The following POU6F2 variants were observed in gnomAD, a reference collection of about 807,000 sequenced individuals.
POU6F2 encodes POU domain, class 6, transcription factor 2.
POU6F2 carries 31 observed loss-of-function variants against 71.3 expected under a neutral mutation model. That is an observed-to-expected ratio of 0.43 (90% CI 0.33 to 0.59). The LOEUF (loss-of-function observed/expected upper bound fraction) is 0.59, where lower values mean the gene tolerates loss of function less well. Ranked by LOEUF, POU6F2 falls within the 20% of genes least tolerant of loss-of-function variation. POU6F2 has a pLI of 0.04. For missense variants in POU6F2, 783 were observed against 856.8 expected, an observed-to-expected ratio of 0.91 and a Z score of 1.07; for synonymous variants, 347 against 355.7, an observed-to-expected ratio of 0.98 and a Z score of 0.27.
intron 1 of POU6F2, among the ~76,000 whole-genome samples, chr7:39,042,216 TAGAA>T (rs1483962635): frequency 6.6e-6 from 1 of 151,854 alleles, no homozygotes; most frequent in Non-Finnish European, 1.5e-5. Flanking sequence ...AGCTGTAAAA[TAGAA>T]AGAGCAAATT....
intron 2 of POU6F2, among the ~76,000 whole-genome samples, chr7:39,154,387 A>T (rs1174437872): frequency 6.6e-6 from 1 of 152,168 alleles, no homozygotes; most frequent in Non-Finnish European, 1.5e-5. Context: ...TTATAGAATT[A>T]AATGAGCAAA....
At chr7:39,434,244 G>A (rs1475000870) in intron 7 of POU6F2, among the ~76,000 whole-genome samples, 1 of 152,132 alleles carries the variant, frequency 6.6e-6, no homozygotes, top group South Asian at 2.1e-4. Context: ...AGAGGATGGG[G>A]TGTTGAGAAA....
intron 5 of POU6F2, among the ~76,000 whole-genome samples, chr7:39,386,206 AG>A (rs1215485146): frequency 3.3e-5 from 5 of 151,492 alleles, no homozygotes; most frequent in Non-Finnish European, 5.9e-5. Context: ...CAGAGATGCC[AG>A]GCCTGCACCA....
chr7:39,392,397 G>A (rs1787090461), intron 5 of POU6F2, among the ~76,000 whole-genome samples: 2 of 152,154 alleles, frequency 1.3e-5, no homozygotes, highest in Admixed American at 6.6e-5. Context: ...ATTCATTCCA[G>A]GACCACACTC....
At chr7:39,273,141 ATAAC>A (rs1243586436) in intron 4 of POU6F2, among the ~76,000 whole-genome samples, 3 of 152,230 alleles carry the variant, frequency 2.0e-5, no homozygotes, top group Non-Finnish European at 2.9e-5. Context: ...AGAATTTCAA[ATAAC>A]ATATAGAGAT....
intron 2 of POU6F2, among the ~76,000 whole-genome samples, chr7:39,161,807 A>T (rs907570760): frequency 6.6e-6 from 1 of 152,178 alleles, no homozygotes; most frequent in Non-Finnish European, 1.5e-5. Context: ...GCAAAACAGG[A>T]GGTAGACTGC....
intron 2 of POU6F2, among the ~76,000 whole-genome samples, chr7:39,104,138 C>G (rs1161774473): frequency 2.0e-5 from 3 of 152,212 alleles, no homozygotes; most frequent in African/African-American, 4.8e-5. Context: ...ACCACCAGCT[C>G]TATGCTCCTC....
chr7:39,013,902 C>A (rs1789400780), intron 1 of POU6F2, among the ~76,000 whole-genome samples: 1 of 152,134 alleles, frequency 6.6e-6, no homozygotes, highest in African/African-American at 2.4e-5. Context: ...CTAGCAAGAG[C>A]CCTATTCGTA....
intron 1 of POU6F2, among the ~76,000 whole-genome samples, chr7:38,998,284 G>C (rs1788795582): frequency 6.6e-6 from 1 of 152,122 alleles, no homozygotes; most frequent in African/African-American, 2.4e-5. Context: ...GATTGGGGTG[G>C]TGGAGGGAAT....
At chr7:39,218,860 C>T (rs889247939) in intron 4 of POU6F2, among the ~76,000 whole-genome samples, 1 of 152,146 alleles carries the variant, frequency 6.6e-6, no homozygotes, top group African/African-American at 2.4e-5. Flanking sequence ...GGAGATACCA[C>T]TAGCCAGTTA....
chr7:38,985,427 C>T (rs1482372288), intron 1 of POU6F2, among the ~76,000 whole-genome samples: 1 of 151,894 alleles, frequency 6.6e-6, no homozygotes, highest in African/African-American at 2.4e-5. Flanking sequence ...CAATTTTATC[C>T]ATTAAAAAAA....
chr7:39,062,261 A>G (rs944922837), intron 1 of POU6F2, among the ~76,000 whole-genome samples: 3 of 152,134 alleles, frequency 2.0e-5, no homozygotes, highest in African/African-American at 7.2e-5. Flanking sequence ...TTACAATAAT[A>G]TTATATTACC....
At chr7:39,239,897 G>T (rs1167807218) in intron 4 of POU6F2, among the ~76,000 whole-genome samples, 1 of 152,098 alleles carries the variant, frequency 6.6e-6, no homozygotes, top group Admixed American at 6.6e-5. Flanking sequence ...GCTTCATAAA[G>T]GGGGCAAAGT....
chr7:38,984,398 A>G (rs1343966685), intron 1 of POU6F2: 1 of 152,158 alleles, frequency 6.6e-6, no homozygotes, highest in Non-Finnish European at 1.5e-5. Context: ...CCCAGGCAGG[A>G]AAGGGCACTG....
chr7:39,124,282 T>C (rs1314800397), intron 2 of POU6F2, among the ~76,000 whole-genome samples: 1 of 152,150 alleles, frequency 6.6e-6, no homozygotes, highest in African/African-American at 2.4e-5. Context: ...CCTGATCTTG[T>C]GATCCACCCG....
intron 5 of POU6F2, among the ~76,000 whole-genome samples, chr7:39,341,417 A>G (rs1785914984): frequency 6.6e-6 from 1 of 152,182 alleles, no homozygotes; most frequent in Non-Finnish European, 1.5e-5. Context: ...CCTAGGACTA[A>G]AATGAACATG....
chr7:39,182,527 T>C (rs772827048), intron 2 of POU6F2, among the ~76,000 whole-genome samples: 1 of 152,180 alleles, frequency 6.6e-6, no homozygotes, highest in Non-Finnish European at 1.5e-5. Flanking sequence ...TTAACAAATC[T>C]AGTAGGCATC....
intron 4 of POU6F2, among the ~76,000 whole-genome samples, chr7:39,246,212 C>G (rs1365685778): frequency 1.3e-5 from 2 of 152,108 alleles, no homozygotes; most frequent in Non-Finnish European, 2.9e-5. Context: ...TGTTCTGAGC[C>G]CCTCCTATGT....
rs925326495 is a variant in POU6F2 at position 39,340,021 on chromosome 7, C to A, written c.972+6C>A. The A allele has an allele frequency of 6.3e-7, 1 of 1,593,562 alleles. No individual in the cohort carries two copies. The highest frequency in any genetic ancestry group is 1.3e-5 in the African/African-American group (1 of 74,690). On this transcript the variant is annotated splice_donor_region_variant and intron_variant, in intron 5 of 9. Coordinates refer to ENST00000518318, the MANE Select transcript of POU6F2 (RefSeq NM_001370959.1). ...CGCCACCCAATCCTCTACAGGTATGCTCCCCGTGCTTCCCGTCTGCCCCTA... is the reference window on the plus strand; with the variant it reads ...CGCCACCCAATCCTCTACAGGTATGATCCCCGTGCTTCCCGTCTGCCCCTA...
Sources: allele counts gnomAD v4.1 joint callset (sites outside exome capture counted in the v4.1 genomes callset), GRCh38; gene constraint gnomAD v4.1.1; transcripts MANE v1.5; gene names NCBI Gene and HGNC (gene_info 2026-07-23, HGNC 2026-07-21).